EPM2A: variants seen among roughly 807,000 people sequenced by gnomAD.
EPM2A encodes the protein laforin.
EPM2A carries 21 observed loss-of-function variants against 26.5 expected under a neutral mutation model. The ratio of observed to expected loss-of-function variants is 0.79; its 90% confidence interval spans 0.56 to 1.14. The LOEUF (loss-of-function observed/expected upper bound fraction) is 1.14, where lower values mean the gene tolerates loss of function less well. Ranked by LOEUF, EPM2A falls within the 50% of genes most tolerant of loss-of-function variation. The pLI is 0.00. For synonymous variants in EPM2A, 217 were observed against 177.6 expected (o/e 1.22, Z -1.76); for missense variants, 458 against 440.8 (o/e 1.04, Z -0.35).
chr6:145,443,856 G>A lies in EPM2A; in HGVS notation c.555+58666C>T, dbSNP rs149885616. ...GAGATCTGATGGTTTTAAAAACAGG[G>A]GTTTCTCTGCACAAGCCTTACCTTT... On this transcript the variant is annotated intron_variant, in intron 4 of 4. Transcript: ENST00000638717. Among the ~76,000 whole-genome samples, 6 of 152,144 alleles carry A rather than the reference G, an allele frequency of 3.9e-5. 1 individual carries two copies. The highest frequency in any genetic ancestry group is 1.4e-4 in the African/African-American group (6 of 41,516).
chr6:145,452,756 A>C (rs1779214818), intron 4 of EPM2A, among the ~76,000 whole-genome samples: 1 of 152,012 alleles, frequency 6.6e-6, no homozygotes, highest in Admixed American at 6.6e-5. Context: ...TAATGTTTGA[A>C]CTTAAATATT....
rs1343667707 is a variant in EPM2A, at chr6:145,490,220, C to T, written c.555+12302G>A. The T allele has an allele frequency of 2.6e-6, 3 of 1,144,216 alleles. No individual in the cohort carries two copies. In the African/African-American group the frequency reaches 4.7e-5, roughly 18 times the overall value. The allele number at this position is 1,144,216 out of a possible 1,614,324, so 70.9% of individuals were successfully genotyped here. ...ACTGAGATGCCTCATTAATTTACTT[C>T]CTTGCATAAACCACAAGTCACATAA... On this transcript the variant is annotated intron_variant, in intron 4 of 4. Transcript: ENST00000638717.
exon 4 of EPM2A, chr6:145,501,787 G>T: frequency 2.1e-6 from 1 of 471,126 alleles, no homozygotes; most frequent in Non-Finnish European, 4.4e-6. Flanking sequence ...ATATAATAAG[G>T]TTAGGGAGAT....
chr6:145,627,772 C>T, intron 3 of EPM2A, 79 bp from the exon 4 acceptor site: 1 of 1,570,652 alleles, frequency 6.4e-7, no homozygotes, highest in Non-Finnish European at 8.6e-7. Context: ...CCAGCACAGC[C>T]TGAAATCACA....
chr6:145,703,758 C>T (rs1389966768), intron 1 of EPM2A, among the ~76,000 whole-genome samples: 1 of 152,184 alleles, frequency 6.6e-6, no homozygotes, highest in East Asian at 1.9e-4. Context: ...AATTATTCAC[C>T]AAGCTTTACA....
intron 1 of EPM2A, among the ~76,000 whole-genome samples, chr6:145,693,880 C>G (rs1409350226): frequency 6.6e-6 from 1 of 151,830 alleles, no homozygotes; most frequent in Admixed American, 6.6e-5. Context: ...TGATTTCAAA[C>G]GAAGTGAGTA....
At chr6:145,729,277 T>G (rs929863735) in intron 1 of EPM2A, among the ~76,000 whole-genome samples, 1 of 152,206 alleles carries the variant, frequency 6.6e-6, no homozygotes, top group Non-Finnish European at 1.5e-5. Context: ...CACTGCCTAC[T>G]GGAGCTATGA....
intron 4 of EPM2A, among the ~76,000 whole-genome samples, chr6:145,450,706 A>G (rs1779185807): frequency 6.6e-6 from 1 of 151,512 alleles, no homozygotes; most frequent in South Asian, 2.1e-4. Context: ...TTCTGCGTGA[A>G]CTCTCAGCAT....
intron 4 of EPM2A, among the ~76,000 whole-genome samples, chr6:145,445,365 GA>G (rs1381406090): frequency 6.6e-6 from 1 of 152,120 alleles, no homozygotes; most frequent in African/African-American, 2.4e-5. Flanking sequence ...GTGAAATAAA[GA>G]CAGACATTTG....
intron 3 of EPM2A, chr6:145,632,177 C>T (rs1776313794): frequency 6.6e-6 from 1 of 152,216 alleles, no homozygotes; most frequent in Non-Finnish European, 1.5e-5. Flanking sequence ...GATATCCTCC[C>T]AGCTACCCAG....
chr6:145,564,972 C>T lies in EPM2A; in HGVS notation c.341-62397G>A, dbSNP rs148796034. ...CTTGGGCAGTTCTCAGCCTCATCCT[C>T]TGTCAGTGGGCATCTCTGAAGAGGC... On this transcript the variant is annotated intron_variant, in intron 2 of 3. Transcript: ENST00000450221. 5.1e-4 allele frequency among the ~76,000 whole-genome samples: 77 copies of T among 152,312 alleles called. 1 individual carries two copies. The East Asian group carries it at 0.012, about 24-fold the overall frequency.
chr6:145,440,419 A>G (rs1372566693), intron 4 of EPM2A, among the ~76,000 whole-genome samples: 1 of 152,164 alleles, frequency 6.6e-6, no homozygotes, highest in Non-Finnish European at 1.5e-5. Flanking sequence ...CTGCCAAACC[A>G]TATAATTGCA....
At chr6:145,467,149 T>A (rs1375220444) in intron 4 of EPM2A, among the ~76,000 whole-genome samples, 6 of 151,802 alleles carry the variant, frequency 4.0e-5, no homozygotes, top group Admixed American at 6.6e-5. Context: ...ATAATAATAA[T>A]AAATAAATAA....
At chr6:145,608,596 C>T (rs1163101974) in intron 2 of EPM2A, among the ~76,000 whole-genome samples, 1 of 130,642 alleles carries the variant, frequency 7.7e-6, no homozygotes, top group African/African-American at 2.6e-5. Context: ...TACTGTGGTA[C>T]TAAAGAAAAA....
intron 2 of EPM2A, among the ~76,000 whole-genome samples, chr6:145,532,637 C>T (rs1780374422): frequency 6.6e-6 from 1 of 152,180 alleles, no homozygotes; most frequent in African/African-American, 2.4e-5. Context: ...TCCTTGGAGT[C>T]TGTAAGTGGC....
At chr6:145,676,732 G>A (rs745465434) in intron 2 of EPM2A, among the ~76,000 whole-genome samples, 1 of 152,180 alleles carries the variant, frequency 6.6e-6, no homozygotes, top group South Asian at 2.1e-4. Flanking sequence ...AAACCAGGAA[G>A]AAGTTGAATC....
At chr6:145,410,268 A>C (rs1038925003) in intron 4 of EPM2A, among the ~76,000 whole-genome samples, 3 of 152,178 alleles carry the variant, frequency 2.0e-5, no homozygotes, top group African/African-American at 4.8e-5. Context: ...GGATAGAAGA[A>C]GACATGGGGG....
At chr6:145,636,965 C>T (rs1776737922) in intron 2 of EPM2A, 1 of 148,416 alleles carries the variant, frequency 6.7e-6, no homozygotes, top group African/African-American at 2.5e-5. Flanking sequence ...TTTCGTATAA[C>T]ATTTAGTAAC....
At chr6:145,507,707 G>T (rs774639705) in intron 2 of EPM2A, among the ~76,000 whole-genome samples, 2 of 152,222 alleles carry the variant, frequency 1.3e-5, no homozygotes, top group Non-Finnish European at 2.9e-5. Context: ...ACTGGAGTAG[G>T]AGAAGGGTTC....
Sources: gnomAD v4.1 joint callset for allele counts (sites outside exome capture counted in the v4.1 genomes callset) on GRCh38, gnomAD v4.1.1 for gene constraint, MANE v1.5 for transcripts, NCBI Gene and HGNC (gene_info 2026-07-23, HGNC 2026-07-21) for gene names.